Variants in MYH10 observed in about 807,000 individuals in gnomAD.
The protein encoded by MYH10 is myosin heavy chain 10.
In MYH10, 55 loss-of-function variants were observed where a neutral mutation model predicts 257.8. The observed-to-expected ratio is 0.21, with a 90% CI of 0.17 to 0.27. The LOEUF (loss-of-function observed/expected upper bound fraction) is 0.27. Among genes scored for constraint, MYH10 ranks in the 10% least tolerant of loss-of-function variants. MYH10 has a pLI of 1.00. For missense variants in MYH10, 1,631 were observed against 2,500.6 expected, an observed-to-expected ratio of 0.65 and a Z score of 7.42; for synonymous variants, 854 against 921.7, an observed-to-expected ratio of 0.93 and a Z score of 1.33.
At chr17:8,554,739 C>G (rs1567892883) in intron 7 of MYH10, among the ~76,000 whole-genome samples, 1 of 152,190 alleles carries the variant, frequency 6.6e-6, no homozygotes, top group African/African-American at 2.4e-5. Context: ...CTCCTGAGGT[C>G]AGGAGTTCAA....
At chr17:8,555,748 G>C (rs773705526) in intron 7 of MYH10, among the ~76,000 whole-genome samples, 5 of 152,092 alleles carry the variant, frequency 3.3e-5, no homozygotes, top group Non-Finnish European at 5.9e-5. Context: ...TTCCTAGACA[G>C]AATGCAAAAA....
chr17:8,577,973 TA>T (rs1488004308), intron 4 of MYH10, among the ~76,000 whole-genome samples: 1 of 152,200 alleles, frequency 6.6e-6, no homozygotes, highest in Non-Finnish European at 1.5e-5. Flanking sequence ...CTCAGTACCA[TA>T]AACATATCTG....
chr17:8,546,081 C>A (rs374755524), intron 12 of MYH10, among the ~76,000 whole-genome samples: 1 of 149,870 alleles, frequency 6.7e-6, no homozygotes, highest in Non-Finnish European at 1.5e-5. Context: ...TTTTTTGATA[C>A]GGAGTCTCGT....
At chr17:8,578,868 AC>A (rs2083597830) in intron 4 of MYH10, among the ~76,000 whole-genome samples, 1 of 152,130 alleles carries the variant, frequency 6.6e-6, no homozygotes, top group Admixed American at 6.6e-5. Flanking sequence ...TAAAAAAAAC[AC>A]CCCAAACTCA....
At chr17:8,561,464 T>A in intron 7 of MYH10, 4 of 1,278,532 alleles carry the variant, frequency 3.1e-6, no homozygotes, top group Non-Finnish European at 4.5e-6. Context: ...AGTTGTGCAA[T>A]TCACAGCAAA....
chr17:8,593,985 A>C (rs1005627867), intron 3 of MYH10, among the ~76,000 whole-genome samples: 1 of 152,208 alleles, frequency 6.6e-6, no homozygotes, highest in Non-Finnish European at 1.5e-5. Context: ...AAAGACATAT[A>C]GATCAAAGGA....
chr17:8,582,257 A>T (rs1327757280), intron 4 of MYH10, among the ~76,000 whole-genome samples: 1 of 152,226 alleles, frequency 6.6e-6, no homozygotes, highest in African/African-American at 2.4e-5. Flanking sequence ...AGCAGAGGGA[A>T]GAGAGCCAAA....
chr17:8,524,449 C>CAAAAAAA (rs541255427), intron 17 of MYH10, among the ~76,000 whole-genome samples: 2 of 62,126 alleles, frequency 3.2e-5, no homozygotes, highest in African/African-American at 1.3e-4. Context: ...GACTCTGTCT[C>CAAAAAAA]AAAAAAAAAA....
chr17:8,522,861 C>A (rs370299723), intron 17 of MYH10, among the ~76,000 whole-genome samples: 2 of 152,158 alleles, frequency 1.3e-5, no homozygotes, highest in Non-Finnish European at 2.9e-5. Context: ...TTTTTCTTGA[C>A]CCTGGTACGT....
At chr17:8,611,810 A>G (rs2085049805) in intron 2 of MYH10, among the ~76,000 whole-genome samples, 1 of 152,172 alleles carries the variant, frequency 6.6e-6, no homozygotes, top group Non-Finnish European at 1.5e-5. Flanking sequence ...TCCAAGAAGG[A>G]GAAAAAAGAG....
intron 17 of MYH10, 74 bp downstream of exon 17, chr17:8,530,549 A>T: frequency 9.2e-6 from 1 of 109,182 alleles, no homozygotes; most frequent in Non-Finnish European, 1.6e-5. Flanking sequence ...CCACCCTGCC[A>T]GTCCCCCCAC....
At chr17:8,505,009 C>A in intron 27 of MYH10, 103 bp from the exon 28 acceptor site, 1 of 904,252 alleles carries the variant, frequency 1.1e-6, no homozygotes, top group African/African-American at 1.6e-5. Context: ...GAGACCCCAG[C>A]CCCACATCCC....
At chr17:8,571,076 C>A (rs140569320) in intron 6 of MYH10, among the ~76,000 whole-genome samples, 98 of 152,242 alleles carry the variant, frequency 6.4e-4, no homozygotes, top group Non-Finnish European at 1.2e-3. Context: ...TACATGGCAT[C>A]GGTTTATTTT....
chr17:8,527,733 TACTC>T (rs529948542), intron 17 of MYH10, among the ~76,000 whole-genome samples: 83 of 152,360 alleles, frequency 5.4e-4, no homozygotes, highest in Non-Finnish European at 9.1e-4. Context: ...CCTCAGTTGA[TACTC>T]ACAGTAACCC....
intron 36 of MYH10, among the ~76,000 whole-genome samples, chr17:8,486,672 G>A (rs1455828215): frequency 6.6e-6 from 1 of 151,404 alleles, no homozygotes; most frequent in Non-Finnish European, 1.5e-5. Context: ...ATGTCTGTAT[G>A]TGAAAATGTA....
intron 35 of MYH10, among the ~76,000 whole-genome samples, chr17:8,488,489 G>A (rs1179358380): frequency 6.6e-6 from 1 of 152,166 alleles, no homozygotes; most frequent in African/African-American, 2.4e-5. Context: ...GTTTCGTCAT[G>A]TATTTATTAA....
Position 8,477,298 on chromosome 17 carries a change from A to G in MYH10, c.5707-250T>C, listed in dbSNP as rs8070563. On this transcript the variant is annotated intron_variant, in intron 41 of 42. Transcript: ENST00000360416. The surrounding 1 kb of genome is among the most constrained non-coding windows in gnomAD (Gnocchi z 4.2). ...AAGTACTCAAGACTCTGTTTTTACC[A>G]GTGAGTTTTCTGCAGAAAAATGACA... is the stretch of plus-strand genomic sequence containing the variant. Among the ~76,000 whole-genome samples, 150,379 of 152,226 alleles carry G rather than the reference A, an allele frequency of 0.99. 74,307 individuals carry two copies. Among genetic ancestry groups the G allele is most frequent in the Middle Eastern group, 1 (294 of 294 alleles).
chr17:8,588,527 C>T (rs560779829), intron 4 of MYH10, among the ~76,000 whole-genome samples: 11 of 152,310 alleles, frequency 7.2e-5, no homozygotes, highest in South Asian at 2.1e-4. Flanking sequence ...ACCGCTTAAA[C>T]GCAACCACTG....
intron 9 of MYH10, 106 bp from the exon 10 acceptor site, chr17:8,548,893 A>G: frequency 1.1e-6 from 1 of 872,286 alleles, no homozygotes; most frequent in Non-Finnish European, 1.8e-6. Context: ...AGTGGTCACC[A>G]TGCAACCCAT....
Sources: allele counts gnomAD v4.1 joint callset (sites outside exome capture counted in the v4.1 genomes callset), GRCh38; gene constraint gnomAD v4.1.1; non-coding constraint Gnocchi (gnomAD v3.1); transcripts MANE v1.5; gene names NCBI Gene and HGNC (gene_info 2026-07-23, HGNC 2026-07-21).